RBFOX1: variants seen among roughly 807,000 people sequenced by gnomAD.
The protein encoded by RBFOX1 is RNA binding protein fox-1 homolog 1.
RBFOX1 carries 8 observed loss-of-function variants against 57.7 expected under a neutral mutation model. The observed-to-expected ratio is 0.14, with a 90% CI of 0.08 to 0.25. RBFOX1 has a LOEUF of 0.25. Ranked by LOEUF, RBFOX1 falls within the 10% of genes least tolerant of loss-of-function variation. The pLI, the probability that RBFOX1 is intolerant of heterozygous loss-of-function variation, is 1.00. For missense variants in RBFOX1, 611 were observed against 548.5 expected (o/e 1.11, Z -1.14); for synonymous variants, 326 against 222.4 (o/e 1.47, Z -4.15).
chr16:5,790,900 A>C (rs1457116313), intron 3 of RBFOX1, among the ~76,000 whole-genome samples: 1 of 136,382 alleles, frequency 7.3e-6, no homozygotes. Context: ...ACATGATTTC[A>C]CTCTGTTGCT....
At position 6,991,563 on chromosome 16, in the gene RBFOX1, G is replaced by T. The variant is rs928568329; in HGVS notation, c.-15-60494G>T. Among the ~76,000 whole-genome samples, 4 of 152,064 alleles carry T rather than the reference G, an allele frequency of 2.6e-5. No individual in the cohort carries two copies. The South Asian group carries it at 8.3e-4, about 32-fold the overall frequency. On this transcript the variant is annotated intron_variant, in intron 3 of 15. Coordinates refer to ENST00000550418, the MANE Select transcript of RBFOX1 (RefSeq NM_018723.4). ...TTTGTTGTTGTTGTTTTGAGATGGGGTCCCACTCTGTCACCCAGGCTGGAG... is the reference window on the plus strand; with the variant it reads ...TTTGTTGTTGTTGTTTTGAGATGGGTTCCCACTCTGTCACCCAGGCTGGAG...
At chr16:6,602,233 T>C (rs1797987165) in intron 2 of RBFOX1, among the ~76,000 whole-genome samples, 1 of 152,192 alleles carries the variant, frequency 6.6e-6, no homozygotes, top group Non-Finnish European at 1.5e-5. Flanking sequence ...CCTGATAAGA[T>C]AGATGATTGG....
chr16:6,864,946 G>A (rs1159809103), intron 3 of RBFOX1, among the ~76,000 whole-genome samples: 1 of 147,564 alleles, frequency 6.8e-6, no homozygotes, highest in African/African-American at 2.5e-5. Context: ...TCAAAAATAA[G>A]CCCTGTTCCT....
In RBFOX1 at chr16:6,429,150, C is replaced by G. The variant is rs552591970; in HGVS notation, c.-64+112093C>G. ...AAATGTCGTGGCTGCCTCTGCATTG[C>G]CAGCTGTGATTGGTGCTGGATTTTA... is the stretch of plus-strand genomic sequence containing the variant. On this transcript the variant is annotated intron_variant, in intron 2 of 15. Transcript: ENST00000550418. 3.6e-3 allele frequency among the ~76,000 whole-genome samples: 547 copies of G among 152,320 alleles called. 2 individuals carry two copies. Among genetic ancestry groups the G allele is most frequent in the African/African-American group, 0.013 (526 of 41,570 alleles).
At chr16:6,697,656 C>G (rs1162172139) in intron 3 of RBFOX1, among the ~76,000 whole-genome samples, 4 of 152,102 alleles carry the variant, frequency 2.6e-5, no homozygotes, top group African/African-American at 7.2e-5. Context: ...TTGCTCACCT[C>G]TGGATTAAAA....
chr16:5,276,791 C>T (rs142751332), intron 1 of RBFOX1, among the ~76,000 whole-genome samples: 7 of 152,214 alleles, frequency 4.6e-5, no homozygotes, highest in African/African-American at 1.4e-4. Context: ...CAACAAAAAG[C>T]AAAAATTGAT....
At chr16:6,107,611 G>A (rs1233695415) in intron 1 of RBFOX1, among the ~76,000 whole-genome samples, 1 of 151,928 alleles carries the variant, frequency 6.6e-6, no homozygotes, top group East Asian at 1.9e-4. Context: ...ACGGATGGAT[G>A]GATACATAGA....
intron 2 of RBFOX1, among the ~76,000 whole-genome samples, chr16:6,604,873 C>T (rs190382478): frequency 1.1e-4 from 16 of 152,172 alleles, no homozygotes; most frequent in Middle Eastern, 3.4e-3. Flanking sequence ...TGGTGGCACA[C>T]GCCTGTAATC....
intron 2 of RBFOX1, among the ~76,000 whole-genome samples, chr16:6,329,162 A>C (rs567792258): frequency 6.6e-6 from 1 of 152,154 alleles, no homozygotes; most frequent in Non-Finnish European, 1.5e-5. Flanking sequence ...CTGAATTCCT[A>C]CCTGACTCCA....
rs146825197 is a variant in RBFOX1 at position 5,790,203 on chromosome 16, C to T, written c.319-77100C>T. Among the ~76,000 whole-genome samples, 323 of 152,358 alleles carry T rather than the reference C, an allele frequency of 2.1e-3. 2 individuals are homozygous for T. Among genetic ancestry groups the T allele is most frequent in the Non-Finnish European group, 3.4e-3 (230 of 68,034 alleles). On this transcript the variant is annotated intron_variant, in intron 3 of 19. Coordinates refer to the RBFOX1 transcript ENST00000641259. ...AAAGTGACAAATAGCCCTTCTTCCACGCCCACATCATCCACCAAAGGTCAG... is the reference window on the plus strand; with the variant it reads ...AAAGTGACAAATAGCCCTTCTTCCATGCCCACATCATCCACCAAAGGTCAG...
intron 4 of RBFOX1, among the ~76,000 whole-genome samples, chr16:7,510,512 GGCGCGCGCGCA>G (rs2074771068): frequency 3.8e-5 from 5 of 130,134 alleles, no homozygotes; most frequent in Non-Finnish European, 8.3e-5. Context: ...TGTGTGTGTG[GGCGCGCGCGCA>G]CGCGCGCACG....
chr16:6,309,566 T>A (rs916627497), intron 1 of RBFOX1, among the ~76,000 whole-genome samples: 13 of 152,096 alleles, frequency 8.5e-5, no homozygotes, highest in African/African-American at 2.9e-4. Flanking sequence ...GGATTATTTT[T>A]AATCAGAACA....
intron 3 of RBFOX1, among the ~76,000 whole-genome samples, chr16:5,735,565 C>G (rs1040061223): frequency 2.0e-5 from 3 of 152,144 alleles, no homozygotes; most frequent in African/African-American, 7.2e-5. Flanking sequence ...TGTCCATTAC[C>G]TAATAGAGTA....
chr16:5,312,709 A>G (rs891191450), intron 1 of RBFOX1, among the ~76,000 whole-genome samples: 3 of 152,226 alleles, frequency 2.0e-5, no homozygotes, highest in African/African-American at 7.2e-5. Flanking sequence ...AAGAAGACAT[A>G]CAAATGACCA....
chr16:7,347,503 G>A (rs1039421291), intron 4 of RBFOX1, among the ~76,000 whole-genome samples: 1 of 152,144 alleles, frequency 6.6e-6, no homozygotes, highest in Admixed American at 6.6e-5. Flanking sequence ...TGACACGTGG[G>A]AATCGTGGGA....
chr16:6,539,641 T>C (rs2096783945), intron 2 of RBFOX1, among the ~76,000 whole-genome samples: 1 of 151,838 alleles, frequency 6.6e-6, no homozygotes, highest in South Asian at 2.1e-4. Flanking sequence ...CTACTAAAAA[T>C]ACAAAAATTA....
chr16:5,426,556 T>C (rs1408513127), intron 1 of RBFOX1, among the ~76,000 whole-genome samples: 1 of 152,126 alleles, frequency 6.6e-6, no homozygotes, highest in Non-Finnish European at 1.5e-5. Context: ...GCAAAAACAC[T>C]TTCCCTCTTT....
intron 2 of RBFOX1, among the ~76,000 whole-genome samples, chr16:6,494,767 A>C (rs1310273263): frequency 6.6e-6 from 1 of 152,250 alleles, no homozygotes; most frequent in African/African-American, 2.4e-5. Context: ...ATTGGAAGTC[A>C]ATGCCAGTTG....
chr16:7,186,855 T>A (rs1026947068), intron 4 of RBFOX1, among the ~76,000 whole-genome samples: 2 of 151,552 alleles, frequency 1.3e-5, no homozygotes, highest in African/African-American at 4.8e-5. Context: ...TTATGACTTA[T>A]TTTTAAAATA....
Sources: allele counts gnomAD v4.1 joint callset (sites outside exome capture counted in the v4.1 genomes callset), GRCh38; gene constraint gnomAD v4.1.1; transcripts MANE v1.5; gene names NCBI Gene and HGNC (gene_info 2026-07-23, HGNC 2026-07-21).